Variants in PTPRT observed in about 807,000 individuals in gnomAD.
The protein encoded by PTPRT is receptor-type tyrosine-protein phosphatase T.
In PTPRT, 56 loss-of-function variants were observed where a neutral mutation model predicts 176.8. That is an observed-to-expected ratio of 0.32 (90% CI 0.26 to 0.40). The LOEUF (loss-of-function observed/expected upper bound fraction) is 0.40. Ranked by LOEUF, PTPRT falls within the 10% of genes least tolerant of loss-of-function variation. The probability of loss-of-function intolerance (pLI) is 1.00; values close to 1 mark genes in which losing one functional copy is unlikely to be tolerated. For missense variants in PTPRT, 1,540 were observed against 1,908.2 expected, an observed-to-expected ratio of 0.81 and a Z score of 3.60; for synonymous variants, 783 against 739.0, an observed-to-expected ratio of 1.06 and a Z score of -0.96.
intron 1 of PTPRT, among the ~76,000 whole-genome samples, chr20:42,894,400 C>T (rs1812007): frequency 0.054 from 8,191 of 152,162 alleles, 593 homozygotes; most frequent in African/African-American, 0.16. Flanking sequence ...ATAACCATGT[C>T]CAGTGCCCAG....
At chr20:42,035,508 C>T in the PTPRT span, among the ~76,000 whole-genome samples, 1 of 152,138 alleles carries the variant, frequency 6.6e-6, no homozygotes. Context: ...AGACCCTCAG[C>T]CTAGAGACCT....
At chr20:42,186,935 T>A (rs1990806080) in intron 16 of PTPRT, among the ~76,000 whole-genome samples, 1 of 152,142 alleles carries the variant, frequency 6.6e-6, no homozygotes. Context: ...GAGGAACGTG[T>A]CAAGATTAAT....
rs772083353 is a variant in PTPRT at position 42,212,023 on chromosome 20, C to CAAATTGGAA, written c.2343-12636_2343-12635insTTCCAATTT. ...GGACATGGATGAAACTGGAAAACAT[C>CAAATTGGAA]ATTCTCAGTAAACTATCACAAGAAA... On this transcript the variant is annotated intron_variant, in intron 15 of 30. Coordinates refer to ENST00000373187, the MANE Select transcript of PTPRT (RefSeq NM_007050.6). Among the ~76,000 whole-genome samples the CAAATTGGAA allele has an allele frequency of 3.5e-5, 5 of 144,410 alleles. No homozygotes were observed. The East Asian group carries it at 8.4e-4, about 24-fold the overall frequency. The allele number at this position is 144,410 out of a possible 152,430, so 94.7% of individuals were successfully genotyped here. A position where few individuals can be genotyped will look rare whatever the true frequency, so the allele number is the denominator to read the frequency against.
At chr20:42,971,043 A>G (rs1982606486) in intron 1 of PTPRT, 1 of 152,226 alleles carries the variant, frequency 6.6e-6, no homozygotes, top group Admixed American at 6.5e-5. Context: ...TGCTGTGCAC[A>G]ATTTTTATTT....
intron 2 of PTPRT, among the ~76,000 whole-genome samples, chr20:42,814,697 T>G (rs1055827107): frequency 1.2e-4 from 19 of 152,180 alleles, no homozygotes; most frequent in African/African-American, 4.3e-4. Context: ...ACACAAGAAT[T>G]CTGTGGTTAT....
intron 2 of PTPRT, among the ~76,000 whole-genome samples, chr20:42,801,754 T>C (rs1357054334): frequency 1.3e-5 from 2 of 152,168 alleles, no homozygotes; most frequent in Non-Finnish European, 2.9e-5. Context: ...CTAAGTTATG[T>C]AGGTGTCAGA....
chr20:42,363,314 T>A (rs1176793535), intron 9 of PTPRT, among the ~76,000 whole-genome samples: 1 of 107,772 alleles, frequency 9.3e-6, no homozygotes, highest in Non-Finnish European at 1.9e-5. Flanking sequence ...TTTTTTTTTT[T>A]TTTTTTTTTT....
At chr20:42,864,684 C>T (rs1427534828) in intron 2 of PTPRT, among the ~76,000 whole-genome samples, 4 of 152,166 alleles carry the variant, frequency 2.6e-5, no homozygotes, top group African/African-American at 4.8e-5. Context: ...GAACCTTGAA[C>T]GTGTATATGC....
chr20:42,875,536 T>C (rs1325370141), intron 2 of PTPRT, among the ~76,000 whole-genome samples: 1 of 152,230 alleles, frequency 6.6e-6, no homozygotes, highest in Admixed American at 6.5e-5. Context: ...AAAGATCTTG[T>C]CTTTTATTTG....
chr20:42,141,619 AG>A (rs1209560612), intron 18 of PTPRT, among the ~76,000 whole-genome samples: 3 of 152,300 alleles, frequency 2.0e-5, no homozygotes, highest in Non-Finnish European at 4.4e-5. Context: ...GGAATTGAGC[AG>A]GCAATGCTCG....
At chr20:42,305,792 G>C (rs944762550) in intron 12 of PTPRT, among the ~76,000 whole-genome samples, 4 of 152,168 alleles carry the variant, frequency 2.6e-5, no homozygotes, top group South Asian at 4.1e-4. Context: ...CAAGTATTCT[G>C]TCTATGGAGC....
chr20:42,403,461 T>G (rs2058930988), intron 9 of PTPRT, among the ~76,000 whole-genome samples: 1 of 152,206 alleles, frequency 6.6e-6, no homozygotes, highest in African/African-American at 2.4e-5. Flanking sequence ...AAATAGTTAC[T>G]ACTACTACCT....
At position 42,251,001 on chromosome 20, in the gene PTPRT, C is replaced by T. The variant is rs561777483; in HGVS notation, c.2177-2179G>A. Among the ~76,000 whole-genome samples the T allele has an allele frequency of 4.6e-5, 7 of 152,238 alleles. No homozygotes were observed. In the South Asian group the frequency reaches 8.3e-4, roughly 18 times the overall value. ...GGTCTGACATTTAGGGATGGGGGGA[C>T]GAGGGCTGGTTCTGAGGAGCTCCCA... On this transcript the variant is annotated intron_variant, in intron 13 of 30. Transcript: ENST00000373187.
chr20:42,554,357 T>A (rs558177966), intron 7 of PTPRT, among the ~76,000 whole-genome samples: 84 of 152,246 alleles, frequency 5.5e-4, no homozygotes, highest in African/African-American at 1.8e-3. Flanking sequence ...AATAGAGCTA[T>A]CACAGGATAA....
chr20:42,447,849 T>A (rs944321228), intron 9 of PTPRT, among the ~76,000 whole-genome samples: 7 of 152,190 alleles, frequency 4.6e-5, no homozygotes, highest in Non-Finnish European at 2.9e-5. Flanking sequence ...AGACTGATAT[T>A]CGTAAAGTGA....
intron 16 of PTPRT, among the ~76,000 whole-genome samples, chr20:42,177,387 T>C (rs747820548): frequency 8.5e-5 from 13 of 152,236 alleles, no homozygotes; most frequent in Admixed American, 6.5e-5. Context: ...ATGAATGAAG[T>C]AGTACAGCTT....
chr20:42,864,071 A>G (rs778225981), intron 2 of PTPRT, among the ~76,000 whole-genome samples: 4 of 152,180 alleles, frequency 2.6e-5, no homozygotes, highest in Non-Finnish European at 5.9e-5. Flanking sequence ...CCCCTCTCTC[A>G]ATCAAGTGAT....
chr20:42,163,371 G>A (rs1989692224), intron 16 of PTPRT, among the ~76,000 whole-genome samples: 1 of 152,164 alleles, frequency 6.6e-6, no homozygotes, highest in Non-Finnish European at 1.5e-5. Context: ...AAGGGCCTAG[G>A]CAAGTCGTTA....
intron 1 of PTPRT, among the ~76,000 whole-genome samples, chr20:43,164,651 G>A (rs1372865197): frequency 6.6e-6 from 1 of 152,186 alleles, no homozygotes; most frequent in African/African-American, 2.4e-5. Flanking sequence ...AAATAGTAGA[G>A]ACTTTAGCCT....
Sources: gnomAD v4.1 joint callset for allele counts (sites outside exome capture counted in the v4.1 genomes callset) on GRCh38, gnomAD v4.1.1 for gene constraint, MANE v1.5 for transcripts, NCBI Gene and HGNC (gene_info 2026-07-23, HGNC 2026-07-21) for gene names.